The following MAP2K5 variants were observed in gnomAD, a reference collection of about 807,000 sequenced individuals.
The protein encoded by MAP2K5 is mitogen-activated protein kinase kinase 5, also known as dual specificity mitogen-activated protein kinase kinase 5.
MAP2K5 carries 49 observed loss-of-function variants against 83.1 expected under a neutral mutation model. The ratio of observed to expected loss-of-function variants is 0.59; its 90% confidence interval spans 0.47 to 0.75. The LOEUF is 0.75. Ranked by LOEUF, MAP2K5 falls within the 30% of genes least tolerant of loss-of-function variation. The probability of loss-of-function intolerance (pLI) is 0.00; values close to 1 mark genes in which losing one functional copy is unlikely to be tolerated. For synonymous variants in MAP2K5, 202 were observed against 191.8 expected, an observed-to-expected ratio of 1.05 and a Z score of -0.44; for missense variants, 457 against 557.5, an observed-to-expected ratio of 0.82 and a Z score of 1.82.
chr15:67,615,485 A>G (rs925764828), intron 8 of MAP2K5, among the ~76,000 whole-genome samples: 3 of 152,164 alleles, frequency 2.0e-5, no homozygotes, highest in African/African-American at 7.2e-5. Context: ...GTGTTTATCT[A>G]TTATGGAAGG....
At chr15:67,656,387 C>T (rs1240363087) in intron 11 of MAP2K5, among the ~76,000 whole-genome samples, 1 of 150,612 alleles carries the variant, frequency 6.6e-6, no homozygotes, top group Non-Finnish European at 1.5e-5. Flanking sequence ...TGCAGTGGCG[C>T]AGTCTCTGCT....
chr15:67,732,519 C>T (rs1377984023), intron 17 of MAP2K5, among the ~76,000 whole-genome samples: 1 of 151,988 alleles, frequency 6.6e-6, no homozygotes, highest in Non-Finnish European at 1.5e-5. Context: ...AGTTCCTGAT[C>T]TTGGTTAATA....
chr15:67,617,181 A>T (rs776791576), intron 8 of MAP2K5, among the ~76,000 whole-genome samples: 1 of 152,236 alleles, frequency 6.6e-6, no homozygotes, highest in Non-Finnish European at 1.5e-5. Flanking sequence ...CATTTATGAC[A>T]TAGGATATTG....
At chr15:67,674,176 T>A (rs1271218402) in intron 13 of MAP2K5, among the ~76,000 whole-genome samples, 1 of 152,168 alleles carries the variant, frequency 6.6e-6, no homozygotes, top group Non-Finnish European at 1.5e-5. Context: ...AACTGGTTAG[T>A]GCTTGAGTAA....
chr15:67,742,606 G>C lies in MAP2K5; in HGVS notation c.1075-5625G>C, dbSNP rs1437408349. Among the ~76,000 whole-genome samples, 3 of 152,150 alleles carry C rather than the reference G, an allele frequency of 2.0e-5. No individual in the cohort carries two copies. In the South Asian group the frequency reaches 6.2e-4, roughly 32 times the overall value. On this transcript the variant is annotated intron_variant, in intron 17 of 21. Transcript: ENST00000178640. ...CACCCTTCTTTTGGGACAAAGAAAG[G>C]AGAAAAGACTGATATGGCAAATGTC... is the stretch of plus-strand genomic sequence containing the variant.
intron 14 of MAP2K5, 135 bp from the exon 15 acceptor site, chr15:67,693,382 TA>T (rs66548496): frequency 0.33 from 225,825 of 684,488 alleles, 42,693 homozygotes; most frequent in Non-Finnish European, 0.4. Flanking sequence ...ATTGCCTTTG[TA>T]GATAAATTTG....
chr15:67,563,223 T>A lies in MAP2K5; in HGVS notation c.185-60T>A, dbSNP rs2084774071. The A allele has an allele frequency of 6.4e-7, 1 of 1,573,396 alleles. No individual in the cohort carries two copies. The highest frequency in any genetic ancestry group is 8.6e-7 in the Non-Finnish European group (1 of 1,163,118). On this transcript the variant is annotated intron_variant, in intron 2 of 21. Coordinates refer to ENST00000178640, the MANE Select transcript of MAP2K5 (RefSeq NM_145160.3). This position sits in a 1 kb window ranked among gnomAD's most constrained non-coding sequence, Gnocchi z 4.5. ...ATTGTAATAAACCGTTTATATTATG[T>A]TCCCTTTGTGCATTAAACAAATGCA...
Position 67,636,367 on chromosome 15 carries a change from C to G in MAP2K5, c.585+5440C>G, listed in dbSNP as rs1873014127. On this transcript the variant is annotated intron_variant, in intron 9 of 21. Coordinates refer to ENST00000178640, the MANE Select transcript of MAP2K5 (RefSeq NM_145160.3). This position sits in a 1 kb window ranked among gnomAD's most constrained non-coding sequence, Gnocchi z 4.7. The stretch of plus-strand genomic sequence containing the variant: ...AGCTTGCAGTGAGCCAAGATTGCGC[C>G]ACTGCACTCCAGCCTGGGCAACAGA... 6.6e-6 allele frequency among the ~76,000 whole-genome samples: 1 copy of G among 150,572 alleles called. No individual in the cohort carries two copies. The highest frequency in any genetic ancestry group is 1.5e-5 in the Non-Finnish European group (1 of 67,780).
chr15:67,679,006 G>T (rs374243793), intron 13 of MAP2K5, among the ~76,000 whole-genome samples: 11 of 148,800 alleles, frequency 7.4e-5, no homozygotes, highest in African/African-American at 2.7e-4. Flanking sequence ...GGAAATTACC[G>T]TTTGGGTCCC....
rs889742185 is a variant in MAP2K5 at position 67,758,402 on chromosome 15, G to A, written c.1134+9801G>A. ...CACGGAAAGAGAGGCATTTTCAAGG[G>A]ATGAGATGATTAGCATTCTGTTCTT... On this transcript the variant is annotated intron_variant, in intron 19 of 21. Transcript: ENST00000178640. This position sits in a 1 kb window ranked among gnomAD's most constrained non-coding sequence, Gnocchi z 4.7. Among the ~76,000 whole-genome samples the A allele has an allele frequency of 6.6e-6, 1 of 152,070 alleles. No homozygotes were observed. Among genetic ancestry groups the A allele is most frequent in the African/African-American group, 2.4e-5 (1 of 41,392 alleles).
chr15:67,639,530 G>A (rs561440316), intron 9 of MAP2K5, among the ~76,000 whole-genome samples: 2 of 152,184 alleles, frequency 1.3e-5, no homozygotes, highest in African/African-American at 4.8e-5. Context: ...AGGTAGTCTT[G>A]TTCTAAGTGC....
intron 19 of MAP2K5, among the ~76,000 whole-genome samples, chr15:67,762,224 C>T (rs1263718890): frequency 6.6e-6 from 1 of 152,064 alleles, no homozygotes; most frequent in Admixed American, 6.6e-5. Context: ...TAAATGAAAT[C>T]CCTTCGGTAT....
rs562282376 is a variant in MAP2K5, at chr15:67,761,969, G to A, written c.1135-7633G>A. On this transcript the variant is annotated intron_variant, in intron 19 of 21. Transcript: ENST00000178640. ...GAGGAAAAAAGTTGACCTGACCAGTGTATGAAATTCAAACACTGTATAGGA... is the reference window on the plus strand; with the variant it reads ...GAGGAAAAAAGTTGACCTGACCAGTATATGAAATTCAAACACTGTATAGGA... 7.2e-5 allele frequency among the ~76,000 whole-genome samples: 11 copies of A among 152,278 alleles called. 1 individual carries two copies. The East Asian group carries it at 1.9e-3, about 27-fold the overall frequency.
At chr15:67,729,625 A>C (rs2089176445) in intron 17 of MAP2K5, among the ~76,000 whole-genome samples, 1 of 152,004 alleles carries the variant, frequency 6.6e-6, no homozygotes, top group Non-Finnish European at 1.5e-5. Flanking sequence ...AAAAAAAAAA[A>C]ATTAGCCGGG....
At chr15:67,726,754 C>G (rs1261626567) in intron 16 of MAP2K5, among the ~76,000 whole-genome samples, 1 of 152,126 alleles carries the variant, frequency 6.6e-6, no homozygotes, top group Non-Finnish European at 1.5e-5. Flanking sequence ...CTCTTAGATC[C>G]ATTAGCGTTA....
In MAP2K5 at chr15:67,748,626, CA is replaced by C; in HGVS notation, c.1134+26del. 6.2e-7 allele frequency: 1 copy of C among 1,610,220 alleles called. No individual in the cohort carries two copies. On this transcript the variant is annotated intron_variant, in intron 19 of 21. Transcript: ENST00000178640. This position sits in a 1 kb window ranked among gnomAD's most constrained non-coding sequence, Gnocchi z 4.0. Reference sequence around the variant, plus strand: ...GGTGAGGCATCGTCTTATGTGCTTTCACTCCTAAAGTCATTCCTAATGGTGT... The same window carrying C: ...GGTGAGGCATCGTCTTATGTGCTTTCCTCCTAAAGTCATTCCTAATGGTGT...
chr15:67,694,748 C>T (rs541986803), intron 15 of MAP2K5, among the ~76,000 whole-genome samples: 1 of 152,128 alleles, frequency 6.6e-6, no homozygotes. Context: ...ACCCAGCCAT[C>T]CCATTACCAG....
chr15:67,626,826 G>A (rs1408157128), intron 8 of MAP2K5, among the ~76,000 whole-genome samples: 1 of 151,892 alleles, frequency 6.6e-6, no homozygotes, highest in East Asian at 1.9e-4. Flanking sequence ...CTTGAGCCCG[G>A]GAGTTCAAGG....
chr15:67,661,988 G>T (rs976720669), intron 12 of MAP2K5, among the ~76,000 whole-genome samples: 3 of 151,894 alleles, frequency 2.0e-5, no homozygotes, highest in Non-Finnish European at 2.9e-5. Context: ...TTAATATTTT[G>T]ATATTTTCTT....
Sources: allele counts gnomAD v4.1 joint callset (sites outside exome capture counted in the v4.1 genomes callset), GRCh38; gene constraint gnomAD v4.1.1; non-coding constraint Gnocchi (gnomAD v3.1); transcripts MANE v1.5; gene names NCBI Gene and HGNC (gene_info 2026-07-23, HGNC 2026-07-21).